Variants in DENND5A observed in about 807,000 individuals in gnomAD.
DENND5A encodes the protein DENN domain containing 5A.
In DENND5A, 64 loss-of-function variants were observed where a neutral mutation model predicts 140.3. The ratio of observed to expected loss-of-function variants is 0.46; its 90% confidence interval spans 0.37 to 0.56. The LOEUF is 0.56. Among genes scored for constraint, DENND5A ranks in the 20% least tolerant of loss-of-function variants. The pLI is 0.00. For missense variants in DENND5A, 1,292 were observed against 1,593.8 expected (o/e 0.81, Z 3.22); for synonymous variants, 605 against 607.7 (o/e 1.00, Z 0.07).
At chr11:9,264,731 G>A (rs1163661844) in intron 1 of DENND5A, among the ~76,000 whole-genome samples, 1 of 152,096 alleles carries the variant, frequency 6.6e-6, no homozygotes, top group Non-Finnish European at 1.5e-5. Context: ...TCTGGTCGCC[G>A]AAGACGTGGC....
chr11:9,169,309 T>C (rs1025607416), intron 10 of DENND5A, among the ~76,000 whole-genome samples: 12 of 151,940 alleles, frequency 7.9e-5, no homozygotes, highest in African/African-American at 2.9e-4. Flanking sequence ...TATCTGCGCG[T>C]TGAGGTGGTG....
chr11:9,161,701 T>C (rs1176467158), intron 11 of DENND5A, among the ~76,000 whole-genome samples: 1 of 152,200 alleles, frequency 6.6e-6, no homozygotes, highest in Admixed American at 6.5e-5. Context: ...AAGTACTATG[T>C]CAGGCATTGT....
chr11:9,176,845 A>G (rs1334749907), intron 8 of DENND5A: 4 of 456,124 alleles, frequency 8.8e-6, no homozygotes, highest in South Asian at 1.5e-5. Context: ...ACCCAGTTCA[A>G]TGTTCACTTT....
In DENND5A at chr11:9,203,929, T is replaced by C; in HGVS notation, c.680A>G (p.His227Arg). The C allele has an allele frequency of 3.7e-6, 6 of 1,614,076 alleles. No individual in the cohort carries two copies. The highest frequency in any genetic ancestry group is 4.2e-6 in the Non-Finnish European group (5 of 1,180,006). The change falls in exon 4 of 23, where the codon CAC becomes CGC. Residue 227 changes from histidine to arginine, a missense_variant. This residue lies in a region of DENND5A where 566 missense variants were observed against 650.4 expected (regional missense o/e 0.87). Coordinates refer to ENST00000328194, the MANE Select transcript of DENND5A (RefSeq NM_015213.4). ...KACRSVLEQL[H>R]QAVTSPQPPP... Reference sequence around the variant, plus strand: ...GGGCTGAGGTGAAGTGACTGCCTGGTGGAGTTGCTCCAGCACGCTCCGACA... The same window carrying C: ...GGGCTGAGGTGAAGTGACTGCCTGGCGGAGTTGCTCCAGCACGCTCCGACA...
At chr11:9,142,457 G>A (rs560213069) in intron 21 of DENND5A, among the ~76,000 whole-genome samples, 1 of 152,336 alleles carries the variant, frequency 6.6e-6, no homozygotes, top group South Asian at 2.1e-4. Flanking sequence ...AGGGGAAAGT[G>A]TGAGGACTCA....
chr11:9,140,663 C>T (rs1357047107), intron 22 of DENND5A, among the ~76,000 whole-genome samples: 1 of 152,204 alleles, frequency 6.6e-6, no homozygotes, highest in Non-Finnish European at 1.5e-5. Context: ...ACTGCCCTTG[C>T]CACGTTCTGT....
At chr11:9,152,275 A>G in intron 13 of DENND5A, 83 bp downstream of exon 13, 1 of 1,011,368 alleles carries the variant, frequency 9.9e-7, no homozygotes, top group Non-Finnish European at 1.6e-6. Context: ...TCGACCTGGA[A>G]TAGTTTGCTT....
chr11:9,193,754 A>G (rs1369050468), intron 4 of DENND5A, 73 bp from the exon 5 acceptor site: 1 of 1,308,880 alleles, frequency 7.6e-7, no homozygotes, highest in Non-Finnish European at 1.1e-6. Context: ...CCAAACAGTA[A>G]GTTAAAACTT....
chr11:9,253,680 A>C (rs996281341), intron 1 of DENND5A, among the ~76,000 whole-genome samples: 2 of 152,090 alleles, frequency 1.3e-5, no homozygotes, highest in Non-Finnish European at 2.9e-5. Flanking sequence ...AGGTGGGCAG[A>C]TCACTTGAGC....
At chr11:9,179,928 C>G (rs749133604) in intron 6 of DENND5A, among the ~76,000 whole-genome samples, 1 of 152,036 alleles carries the variant, frequency 6.6e-6, no homozygotes, top group Non-Finnish European at 1.5e-5. Context: ...AAATATTTCA[C>G]TAAAAAACAG....
chr11:9,140,470 G>C (rs1387894141), intron 22 of DENND5A, among the ~76,000 whole-genome samples: 1 of 152,104 alleles, frequency 6.6e-6, no homozygotes, highest in Non-Finnish European at 1.5e-5. Flanking sequence ...TGAGCTTCAT[G>C]CTCTCTCACC....
intron 15 of DENND5A, among the ~76,000 whole-genome samples, chr11:9,148,575 AC>A (rs1847506346): frequency 6.6e-6 from 1 of 152,224 alleles, no homozygotes; most frequent in Non-Finnish European, 1.5e-5. Flanking sequence ...GAGGTGAAGA[AC>A]CTGAAACCTG....
intron 8 of DENND5A, among the ~76,000 whole-genome samples, chr11:9,173,865 G>A (rs1564896012): frequency 6.6e-6 from 1 of 152,154 alleles, no homozygotes; most frequent in East Asian, 1.9e-4. Context: ...AGCACTTTGG[G>A]AGGCCGAGGC....
At chr11:9,167,813 A>G (rs1286510074) in intron 10 of DENND5A, among the ~76,000 whole-genome samples, 3 of 152,114 alleles carry the variant, frequency 2.0e-5, no homozygotes, top group Admixed American at 2.0e-4. Flanking sequence ...AAAATAAAAT[A>G]AAAGCTCTTC....
chr11:9,200,368 G>A (rs969667393), intron 4 of DENND5A, among the ~76,000 whole-genome samples: 1 of 152,182 alleles, frequency 6.6e-6, no homozygotes, highest in African/African-American at 2.4e-5. Flanking sequence ...ATTTGTCCAA[G>A]TCTATATTTC....
At chr11:9,170,004 T>C in intron 9 of DENND5A, 55 bp from the exon 10 acceptor site, 1 of 1,267,956 alleles carries the variant, frequency 7.9e-7, no homozygotes, top group South Asian at 1.2e-5. Context: ...TAAAAAGCAA[T>C]GTCAACTAAC....
At chr11:9,150,307 G>C in intron 14 of DENND5A, 98 bp from the exon 15 acceptor site, 6 of 1,406,370 alleles carry the variant, frequency 4.3e-6, no homozygotes, top group Non-Finnish European at 5.9e-6. Context: ...TGCTGAGACA[G>C]ACTTATCTCA....
At chr11:9,179,152 A>G (rs1006353866) in intron 6 of DENND5A, 79 bp from the exon 7 acceptor site, 1 of 1,341,484 alleles carries the variant, frequency 7.5e-7, no homozygotes, top group African/African-American at 1.5e-5. Context: ...TGATTTTTTT[A>G]TCTGATTTTT....
intron 22 of DENND5A, among the ~76,000 whole-genome samples, chr11:9,140,410 TG>T: frequency 6.6e-6 from 1 of 152,306 alleles, no homozygotes; most frequent in East Asian, 1.9e-4. Context: ...TTAACCACTA[TG>T]CCAATTCTCT....
Sources: gnomAD v4.1 joint callset for allele counts (sites outside exome capture counted in the v4.1 genomes callset) on GRCh38, gnomAD v4.1.1 for gene constraint, gnomAD v4.1.1 regional missense constraint, MANE v1.5 for transcripts, NCBI Gene and HGNC (gene_info 2026-07-23, HGNC 2026-07-21) for gene names.